The following TRPC5OS variants were observed in gnomAD, a reference collection of about 807,000 sequenced individuals.
TRPC5OS encodes putative uncharacterized protein TRPC5OS.
For synonymous variants in TRPC5OS, 30 were observed against 29.3 expected (o/e 1.02, Z -0.08); for missense variants, 64 against 79.3 (o/e 0.81, Z 0.73).
At chrX:111,899,780 AT>A (rs1264391110) in intron 3 of TRPC5OS, among the ~76,000 whole-genome samples, 4 of 111,487 alleles carry the variant, frequency 3.6e-5, no homozygotes, top group Non-Finnish European at 7.5e-5. Context: ...TAAATGCCAA[AT>A]TCCTTTCCTT....
rs1204842268 is a variant in TRPC5OS, at chrX:111,903,929, CATTTT to C, written c.*1748_*1752del. ...ATCTGTATTAGCTATTGATCTAAACCATTTTATTGTTTTCTTTCAAGAGATTTTAA... is the reference window on the plus strand; with the variant it reads ...ATCTGTATTAGCTATTGATCTAAACCATTGTTTTCTTTCAAGAGATTTTAA... On this transcript the variant is annotated 3_prime_UTR_variant, in exon 4 of 4. Coordinates refer to ENST00000635763, the MANE Select transcript of TRPC5OS (RefSeq NM_001195578.2). 1 of 112,068 alleles carries C rather than the reference CATTTT, an allele frequency of 8.9e-6. No individual in the cohort carries two copies. Among genetic ancestry groups the C allele is most frequent in the African/African-American group, 3.2e-5 (1 of 30,873 alleles). The allele number at this position is 112,068 out of a possible 1,213,427, so 9.2% of individuals were successfully genotyped here. A position where few individuals can be genotyped will look rare whatever the true frequency, so the allele number is the denominator to read the frequency against.
intron 1 of TRPC5OS, among the ~76,000 whole-genome samples, chrX:111,886,432 G>A (rs933600634): frequency 8.9e-6 from 1 of 112,262 alleles, no homozygotes; most frequent in Admixed American, 9.4e-5. Context: ...TAAGTGTTTG[G>A]TAGATTATGC....
chrX:111,877,726 G>T (rs776622137), intron 1 of TRPC5OS, among the ~76,000 whole-genome samples: 1 of 111,339 alleles, frequency 9.0e-6, no homozygotes, highest in African/African-American at 3.3e-5. Flanking sequence ...GGACATAAAT[G>T]AATGAATAAA....
chrX:111,894,919 A>G (rs1435465801), intron 1 of TRPC5OS, among the ~76,000 whole-genome samples: 1 of 110,710 alleles, frequency 9.0e-6, no homozygotes, highest in Non-Finnish European at 1.9e-5. Flanking sequence ...TTGTTCCCGT[A>G]GATTTGTGTG....
At position 111,902,180 on chromosome X, in the gene TRPC5OS, G is replaced by T; in HGVS notation, c.331G>T (p.Asp111Tyr). ...VSGINDDLTG[D>Y] Reference sequence around the variant, plus strand: ...TGGTATAAATGATGACTTAACAGGTGACTAAGACCCAATTTCTGCCCCCGT... The same window carrying T: ...TGGTATAAATGATGACTTAACAGGTTACTAAGACCCAATTTCTGCCCCCGT... Residue 111 changes from aspartate (D) to tyrosine (Y), a missense_variant, in exon 4 of 4, where the codon GAC becomes TAC. Transcript: ENST00000635763. 9.1e-7 allele frequency: 1 copy of T among 1,103,804 alleles called. No homozygotes were observed. The highest frequency in any genetic ancestry group is 1.2e-6 in the Non-Finnish European group (1 of 845,449). 91.0% of individuals were successfully genotyped at this position (1,103,804 alleles called of 1,213,427 possible).
rs183696942 is a variant in TRPC5OS at position 111,897,299 on chromosome X, A to G, written c.-311+804A>G. 1.2e-4 allele frequency among the ~76,000 whole-genome samples: 13 copies of G among 111,821 alleles called. No individual in the cohort carries two copies. The Admixed American group carries it at 1.2e-3, about 11-fold the overall frequency. ...ACAATAGGTCTCCCATTAATGTGACAATTTATTAGAAAAATTTTTATGGGT... is the reference window on the plus strand; with the variant it reads ...ACAATAGGTCTCCCATTAATGTGACGATTTATTAGAAAAATTTTTATGGGT... On this transcript the variant is annotated intron_variant, in intron 3 of 3. Transcript: ENST00000635763.
chrX:111,880,520 C>T (rs988008588), intron 1 of TRPC5OS, among the ~76,000 whole-genome samples: 1 of 112,271 alleles, frequency 8.9e-6, no homozygotes, highest in Non-Finnish European at 1.9e-5. Flanking sequence ...TGAATAGTAC[C>T]TACAAACTTC....
chrX:111,881,014 C>T (rs190533795), intron 1 of TRPC5OS, among the ~76,000 whole-genome samples: 1 of 111,889 alleles, frequency 8.9e-6, no homozygotes, highest in African/African-American at 3.2e-5. Context: ...TACTGCAATT[C>T]TAGTGCATTG....
chrX:111,887,583 T>G (rs1465447714), intron 1 of TRPC5OS, among the ~76,000 whole-genome samples: 1 of 111,987 alleles, frequency 8.9e-6, no homozygotes, highest in Non-Finnish European at 1.9e-5. Context: ...GTAGAATAGC[T>G]CTTGGGTAGA....
At chrX:111,897,139 A>C (rs1925105252) in intron 3 of TRPC5OS, among the ~76,000 whole-genome samples, 1 of 111,636 alleles carries the variant, frequency 9.0e-6, no homozygotes, top group South Asian at 3.7e-4. Flanking sequence ...CTTGGGTCCC[A>C]TTCCTAAGAT....
At position 111,895,741 on chromosome X, in the gene TRPC5OS, G is replaced by A. The variant is rs762658817; in HGVS notation, c.-545-210G>A. ...TTGTCTGTCCTTGAGCCAGTACTAC[G>A]CTGTCTTAATTTCTCTAGCTCTGTA... On this transcript the variant is annotated intron_variant, in intron 1 of 3. Coordinates refer to ENST00000635763, the MANE Select transcript of TRPC5OS (RefSeq NM_001195578.2). Among the ~76,000 whole-genome samples, 27 of 111,201 alleles carry A rather than the reference G, an allele frequency of 2.4e-4. No homozygotes were observed. In the Middle Eastern group the frequency reaches 0.014, roughly 57 times the overall value.
intron 1 of TRPC5OS, among the ~76,000 whole-genome samples, chrX:111,890,024 T>C (rs762756228): frequency 8.9e-6 from 1 of 111,781 alleles, no homozygotes; most frequent in South Asian, 3.8e-4. Flanking sequence ...CAAACTATCA[T>C]GGCTATACAG....
rs2148615823 is a variant in TRPC5OS at position 111,903,830 on chromosome X, A to G, written c.*1645A>G. On this transcript the variant is annotated 3_prime_UTR_variant, in exon 4 of 4. Coordinates refer to ENST00000635763, the MANE Select transcript of TRPC5OS (RefSeq NM_001195578.2). Reference sequence around the variant, plus strand: ...CATCCCTATTTGTTTGGGTTAAAATATGTGGGGAGTTGTGCCTATATAAAT... The same window carrying G: ...CATCCCTATTTGTTTGGGTTAAAATGTGTGGGGAGTTGTGCCTATATAAAT... 1 of 112,293 alleles carries G rather than the reference A, an allele frequency of 8.9e-6. No individual in the cohort carries two copies. Among genetic ancestry groups the G allele is most frequent in the Non-Finnish European group, 1.9e-5 (1 of 53,240 alleles). The allele number at this position is 112,293 out of a possible 1,213,427, so 9.3% of individuals were successfully genotyped here. A position where few individuals can be genotyped will look rare whatever the true frequency, so the allele number is the denominator to read the frequency against.
intron 1 of TRPC5OS, among the ~76,000 whole-genome samples, chrX:111,891,527 G>A (rs1251963352): frequency 9.0e-6 from 1 of 110,854 alleles, no homozygotes; most frequent in African/African-American, 3.3e-5. Flanking sequence ...TGCTACACAG[G>A]ATTATTTTGT....
At position 111,903,014 on chromosome X, in the gene TRPC5OS, G is replaced by A. The variant is rs914374692; in HGVS notation, c.*829G>A. ...TCACCATATTGGACTAAATATCTAT[G>A]GACTAGATATAGTCCTTAGGCATCA... On this transcript the variant is annotated 3_prime_UTR_variant, in exon 4 of 4. Transcript: ENST00000635763. 1.8e-5 allele frequency: 2 copies of A among 111,815 alleles called. No individual in the cohort carries two copies. Among genetic ancestry groups the A allele is most frequent in the Non-Finnish European group, 3.8e-5 (2 of 53,105 alleles). The allele number at this position is 111,815 out of a possible 1,213,427, so 9.2% of individuals were successfully genotyped here.
chrX:111,877,376 A>T (rs975230442), intron 1 of TRPC5OS, among the ~76,000 whole-genome samples: 1 of 111,682 alleles, frequency 9.0e-6, no homozygotes, highest in Non-Finnish European at 1.9e-5. Flanking sequence ...TTTGGAACAG[A>T]CACTGTTGAG....
intron 1 of TRPC5OS, among the ~76,000 whole-genome samples, chrX:111,884,569 A>G (rs1180848179): frequency 8.9e-6 from 1 of 112,817 alleles, no homozygotes; most frequent in East Asian, 2.8e-4. Context: ...GTTGAAGCCT[A>G]GCCAAGGACT....
intron 1 of TRPC5OS, among the ~76,000 whole-genome samples, chrX:111,877,614 A>T (rs1413243188): frequency 9.0e-6 from 1 of 111,539 alleles, no homozygotes; most frequent in South Asian, 3.8e-4. Flanking sequence ...GGAGTTGCCT[A>T]TATAGAGATG....
chrX:111,885,199 C>T (rs745625544), intron 1 of TRPC5OS, among the ~76,000 whole-genome samples: 186 of 112,852 alleles, frequency 1.6e-3, no homozygotes, highest in African/African-American at 5.6e-3. Flanking sequence ...ATTGCCAGGA[C>T]CTAAGTCTAG....
Sources: allele counts gnomAD v4.1 joint callset (sites outside exome capture counted in the v4.1 genomes callset), GRCh38; gene constraint gnomAD v4.1.1; transcripts MANE v1.5; gene names NCBI Gene and HGNC (gene_info 2026-07-23, HGNC 2026-07-21).